C16orf46: variants seen among roughly 807,000 people sequenced by gnomAD.
C16orf46 encodes the protein uncharacterized protein C16orf46.
Under a neutral mutation model 5.5 loss-of-function variants are expected in C16orf46, and 7 were observed. The ratio of observed to expected loss-of-function variants is 1.28; its 90% CI spans 0.73 to 2.40. The LOEUF (loss-of-function observed/expected upper bound fraction) is 2.40, where lower values mean the gene tolerates loss of function less well. Ranked by LOEUF, C16orf46 falls within the 30% of genes most tolerant of loss-of-function variation. C16orf46 has a pLI of 0.00. For synonymous variants in C16orf46, 200 were observed against 184.1 expected (o/e 1.09, Z -0.70); for missense variants, 614 against 476.0 (o/e 1.29, Z -2.70).
Position 81,061,872 on chromosome 16 carries a change from C to G in C16orf46, c.477G>C (p.Glu159Asp). The G allele has an allele frequency of 2.5e-6, 4 of 1,614,162 alleles. No individual in the cohort carries two copies. Among genetic ancestry groups the G allele is most frequent in the Non-Finnish European group, 3.4e-6 (4 of 1,180,028 alleles). The change falls in exon 4 of 4, where the codon GAG becomes GAC. Residue 159 changes from glutamate to aspartate, a missense_variant. By Grantham distance (45) the Glu-to-Asp change is conservative. Transcript: ENST00000299578. ...ACTCCTTGATTTGCAGACTTTTTTTCTCTGCTCGAAAGTAGGTGGGAAAGC... is the reference window on the plus strand; with the variant it reads ...ACTCCTTGATTTGCAGACTTTTTTTGTCTGCTCGAAAGTAGGTGGGAAAGC... ...DICFPTYFRA[E>D]KKSLQIKEFI...
At chr16:81,076,347 T>C (rs970964019) in intron 1 of C16orf46, 3 of 152,142 alleles carry the variant, frequency 2.0e-5, no homozygotes, top group Non-Finnish European at 4.4e-5. Flanking sequence ...CTTGCACAAT[T>C]TGTTCATATT....
chr16:81,060,927 A>G, downstream of C16orf46: 1 of 1,250,100 alleles, frequency 8.0e-7, no homozygotes, highest in Non-Finnish European at 1.0e-6. Flanking sequence ...AAGTAGCAGA[A>G]GCACGTTAAC....
downstream of C16orf46, among the ~76,000 whole-genome samples, chr16:81,057,370 G>A (rs906458385): frequency 1.3e-5 from 2 of 151,918 alleles, no homozygotes; most frequent in Non-Finnish European, 2.9e-5. Context: ...CCTACATGGT[G>A]AAACCCTGTC....
chr16:81,073,001 C>A (rs1431072969), intron 1 of C16orf46, among the ~76,000 whole-genome samples: 1 of 152,136 alleles, frequency 6.6e-6, no homozygotes, highest in Non-Finnish European at 1.5e-5. Context: ...TAAAAAATAA[C>A]TGGATGAAGA....
intron 3 of C16orf46, among the ~76,000 whole-genome samples, chr16:81,054,776 G>A (rs1273025276): frequency 6.6e-6 from 1 of 151,868 alleles, no homozygotes; most frequent in Non-Finnish European, 1.5e-5. Flanking sequence ...CGCCGCCTGA[G>A]TAGCTGGGAT....
chr16:81,054,061 G>A (rs1246729643), exon 4 of C16orf46: 1 of 1,610,874 alleles, frequency 6.2e-7, no homozygotes, highest in Non-Finnish European at 8.5e-7. Flanking sequence ...ATGTGAAACT[G>A]ATCCCTCTCC....
Position 81,061,520 on chromosome 16 carries a change from C to T in C16orf46, c.829G>A (p.Asp277Asn), listed in dbSNP as rs370784988. Residue 277 changes from aspartate (D) to asparagine (N), a missense_variant, in exon 4 of 4, where the codon GAC (aspartate) becomes AAC (asparagine). By Grantham distance (23) the Asp-to-Asn change is conservative (BLOSUM62 1). Coordinates refer to ENST00000299578, the MANE Select transcript of C16orf46 (RefSeq NM_152337.3). ...GCTGGGGAAGGGGAGGATGGCGTGT[C>T]GTTGACCATAGGGTGTTTGGCCAGC... is the stretch of plus-strand genomic sequence containing the variant. ...SELAKHPMVNDTPSSPSPAAQ... is the reference protein window; with the variant it reads ...SELAKHPMVNNTPSSPSPAAQ... The T allele has an allele frequency of 3.0e-5, 48 of 1,614,156 alleles. No individual in the cohort carries two copies. The South Asian group carries it at 3.2e-4, about 11-fold the overall frequency.
intron 1 of C16orf46, among the ~76,000 whole-genome samples, chr16:81,071,517 C>G (rs1307944480): frequency 6.6e-6 from 1 of 152,082 alleles, no homozygotes. Context: ...GAGGTTGAGG[C>G]AGGAGGATCA....
At chr16:81,073,725 A>T (rs1331889353) in intron 1 of C16orf46, among the ~76,000 whole-genome samples, 1 of 152,258 alleles carries the variant, frequency 6.6e-6, no homozygotes, top group Admixed American at 6.5e-5. Flanking sequence ...AATTCAATGC[A>T]TTGTTGCTGG....
chr16:81,061,646 G>C lies in C16orf46; in HGVS notation c.703C>G (p.Gln235Glu). ...ACATCCAGCACCTTCTCTTCTGACTGCAAGAAAGAGTTCTTACTCTTCTTA... is the reference window on the plus strand; with the variant it reads ...ACATCCAGCACCTTCTCTTCTGACTCCAAGAAAGAGTTCTTACTCTTCTTA... The part of the protein sequence containing the change: ...LGKKSKNSFL[Q>E]SEEKVLDVEK... The change falls in exon 4 of 4, where the codon CAG (glutamine) becomes GAG (glutamate). Residue 235 changes from glutamine (Q) to glutamate (E), a missense_variant. Gln to Glu is a conservative substitution (Grantham distance 29, BLOSUM62 2). Coordinates refer to ENST00000299578, the MANE Select transcript of C16orf46 (RefSeq NM_152337.3). 5 of 1,614,140 alleles carry C rather than the reference G, an allele frequency of 3.1e-6. No homozygotes were observed. The highest frequency in any genetic ancestry group is 4.2e-6 in the Non-Finnish European group (5 of 1,180,032).
intron 3 of C16orf46, among the ~76,000 whole-genome samples, chr16:81,062,976 T>C (rs1373860859): frequency 6.6e-6 from 1 of 151,062 alleles, no homozygotes; most frequent in South Asian, 2.1e-4. Flanking sequence ...CCAGGCGCAG[T>C]GGCTCAGGCC....
chr16:81,074,703 A>T (rs1971968256), intron 1 of C16orf46, among the ~76,000 whole-genome samples: 1 of 151,474 alleles, frequency 6.6e-6, no homozygotes. Context: ...ATCTTGATTA[A>T]CACTGAGCTT....
chr16:81,076,151 T>C (rs924023389), intron 1 of C16orf46, among the ~76,000 whole-genome samples: 9 of 152,192 alleles, frequency 5.9e-5, no homozygotes, highest in African/African-American at 2.2e-4. Context: ...TGGCAGAAGT[T>C]AAGTTTCTTA....
downstream of C16orf46, among the ~76,000 whole-genome samples, chr16:81,057,635 C>A (rs1232991552): frequency 6.6e-6 from 1 of 150,750 alleles, no homozygotes; most frequent in Non-Finnish European, 1.5e-5. Flanking sequence ...GGGTTTTTAC[C>A]ATCATCATCT....
intron 2 of C16orf46, 104 bp downstream of exon 2, chr16:81,066,089 G>C (rs1475958378): frequency 6.6e-6 from 1 of 151,676 alleles, no homozygotes; most frequent in African/African-American, 2.4e-5. Flanking sequence ...TATGTAATGA[G>C]GGTTCACAAG....
At chr16:81,073,373 T>G (rs1971920577) in intron 1 of C16orf46, among the ~76,000 whole-genome samples, 1 of 152,172 alleles carries the variant, frequency 6.6e-6, no homozygotes, top group South Asian at 2.1e-4. Context: ...AAGGTTAATT[T>G]ATGGTCATGG....
At position 81,061,176 on chromosome 16, in the gene C16orf46, G is replaced by C. The variant is rs1229944931; in HGVS notation, c.1173C>G (p.Thr391=). 3 of 1,609,370 alleles carry C rather than the reference G, an allele frequency of 1.9e-6. No homozygotes were observed. Among genetic ancestry groups the C allele is most frequent in the African/African-American group, 2.7e-5 (2 of 74,752 alleles). The change falls in exon 4 of 4, where the codon ACC becomes ACG. Residue 391 remains threonine (T), a synonymous_variant. Transcript: ENST00000299578. ...CCGCAACCGCTCAGAGGATCCTGTG[G>C]GTAGAGACAGGAATGATAACTCTGC... is the stretch of plus-strand genomic sequence containing the variant. ...TVSRVIIPVS[T]HRIL
chr16:81,070,580 C>T (rs527683573), intron 1 of C16orf46, among the ~76,000 whole-genome samples: 8 of 152,138 alleles, frequency 5.3e-5, no homozygotes, highest in Non-Finnish European at 1.2e-4. Flanking sequence ...GGTGTTGCAA[C>T]AATTAACCGT....
chr16:81,059,320 CA>C (rs71143671), downstream of C16orf46, among the ~76,000 whole-genome samples: 3,019 of 46,572 alleles, frequency 0.065, 24 homozygotes, highest in African/African-American at 0.16. Context: ...GACTCTGTCT[CA>C]AAAAAAAAAA....
Sources: allele counts gnomAD v4.1 joint callset (sites outside exome capture counted in the v4.1 genomes callset), GRCh38; gene constraint gnomAD v4.1.1; transcripts MANE v1.5; gene names NCBI Gene and HGNC (gene_info 2026-07-23, HGNC 2026-07-21).